The following SLC26A11 variants were observed in gnomAD, a reference collection of about 807,000 sequenced individuals.
The protein encoded by SLC26A11 is sodium-independent sulfate anion transporter.
SLC26A11 carries 58 observed loss-of-function variants against 62.2 expected under a neutral mutation model. The observed-to-expected ratio is 0.93, with a 90% CI of 0.76 to 1.16. The LOEUF (loss-of-function observed/expected upper bound fraction) is 1.16. Ranked by LOEUF, SLC26A11 falls within the 50% of genes most tolerant of loss-of-function variation. The pLI is 0.00. For missense variants in SLC26A11, 790 were observed against 794.3 expected (o/e 0.99, Z 0.06); for synonymous variants, 411 against 368.9 (o/e 1.11, Z -1.31).
chr17:80,233,607 G>T (rs1378438478), intron 7 of SLC26A11, among the ~76,000 whole-genome samples: 3 of 134,008 alleles, frequency 2.2e-5, no homozygotes, highest in East Asian at 2.2e-4. Context: ...TATTTGACAG[G>T]ATTCACTCTG....
intron 13 of SLC26A11, among the ~76,000 whole-genome samples, chr17:80,247,845 C>G (rs141472632): frequency 2.0e-5 from 3 of 152,336 alleles, no homozygotes; most frequent in African/African-American, 7.2e-5. Flanking sequence ...CAGGCCAGCT[C>G]TGTGCCCTGA....
At chr17:80,225,966 A>G in intron 6 of SLC26A11, 50 bp downstream of exon 6, 8 of 1,536,456 alleles carry the variant, frequency 5.2e-6, no homozygotes, top group Non-Finnish European at 7.2e-6. Context: ...CTTCTTCCAC[A>G]CCTCCTCTCC....
rs2042997471 is a variant in SLC26A11, at chr17:80,246,403, A to G, written c.1154-106A>G. The G allele has an allele frequency of 6.6e-7, 1 of 1,510,428 alleles. No individual in the cohort carries two copies. 93.6% of individuals were successfully genotyped at this position (1,510,428 alleles called of 1,614,324 possible). A position where few individuals can be genotyped will look rare whatever the true frequency, so the allele number is the denominator to read the frequency against. The stretch of plus-strand genomic sequence containing the variant: ...TGGGGGCCTTGGCAGTCGTCGCCCT[A>G]CCCCCACCCCTGTCCCCAGTGGGCT... On this transcript the variant is annotated intron_variant, in intron 12 of 17. Transcript: ENST00000361193. This position sits in a 1 kb window ranked among gnomAD's most constrained non-coding sequence, Gnocchi z 4.4.
intron 7 of SLC26A11, among the ~76,000 whole-genome samples, chr17:80,231,997 G>C (rs573627312): frequency 6.6e-6 from 1 of 152,236 alleles, no homozygotes; most frequent in African/African-American, 2.4e-5. Context: ...CTTTCTACTT[G>C]TTCTGTTGAT....
chr17:80,223,651 T>C lies in SLC26A11; in HGVS notation c.513+314T>C, dbSNP rs1012062693. The stretch of plus-strand genomic sequence containing the variant: ...TGGCTGGCTCTGTGACGTGGCTCTG[T>C]TCTCCCTGCACTGGGCACACCCAGC... On this transcript the variant is annotated intron_variant, in intron 5 of 17. Coordinates refer to ENST00000361193, the MANE Select transcript of SLC26A11 (RefSeq NM_001166347.2). The surrounding 1 kb of genome is among the most constrained non-coding windows in gnomAD (Gnocchi z 4.6). Among the ~76,000 whole-genome samples the C allele has an allele frequency of 6.6e-6, 1 of 152,164 alleles. No homozygotes were observed. Among genetic ancestry groups the C allele is most frequent in the Non-Finnish European group, 1.5e-5 (1 of 68,024 alleles).
At chr17:80,239,986 G>A (rs556280856) in intron 9 of SLC26A11, among the ~76,000 whole-genome samples, 14 of 152,366 alleles carry the variant, frequency 9.2e-5, no homozygotes, top group Admixed American at 3.9e-4. Flanking sequence ...GCAGAGTTGC[G>A]TAGCTGCAGC....
intron 6 of SLC26A11, among the ~76,000 whole-genome samples, chr17:80,226,342 A>C (rs985825368): frequency 6.6e-6 from 1 of 152,144 alleles, no homozygotes; most frequent in African/African-American, 2.4e-5. Flanking sequence ...CAGGTGGTGC[A>C]GGGACGGCAG....
intron 13 of SLC26A11, 51 bp from the exon 14 acceptor site, chr17:80,248,079 T>C: frequency 6.5e-7 from 1 of 1,546,638 alleles, no homozygotes; most frequent in Non-Finnish European, 8.7e-7. Flanking sequence ...CAGGGCCATG[T>C]TGGGGCCTCG....
chr17:80,221,432 CT>C (rs2042184767), intron 2 of SLC26A11, 115 bp from the exon 3 acceptor site: 1 of 717,348 alleles, frequency 1.4e-6, no homozygotes, highest in Admixed American at 3.0e-5. Flanking sequence ...GTTCGCCCCC[CT>C]GGGGAGGGGA....
chr17:80,242,240 G>A (rs890965137), intron 10 of SLC26A11, among the ~76,000 whole-genome samples: 4 of 152,224 alleles, frequency 2.6e-5, no homozygotes, highest in African/African-American at 9.6e-5. Context: ...GCCTCCCAAA[G>A]TGCTGAGGTT....
At chr17:80,229,574 C>T (rs759931185) in intron 7 of SLC26A11, among the ~76,000 whole-genome samples, 7 of 151,974 alleles carry the variant, frequency 4.6e-5, no homozygotes, top group East Asian at 1.9e-4. Context: ...GGATTACAGG[C>T]GTGCACCACC....
Position 80,225,921 on chromosome 17 carries a change from C to G in SLC26A11, c.593+5C>G, listed in dbSNP as rs1392677799. ...CCTCAGGATTGCAGAGACCAGGTACCCCGGGCTTTGTTCCTCCCTCCTATA... is the reference window on the plus strand; with the variant it reads ...CCTCAGGATTGCAGAGACCAGGTACGCCGGGCTTTGTTCCTCCCTCCTATA... On this transcript the variant is annotated splice_donor_5th_base_variant and intron_variant, in intron 6 of 17. Transcript: ENST00000361193. 36 of 1,613,628 alleles carry G rather than the reference C, an allele frequency of 2.2e-5. No homozygotes were observed. The highest frequency in any genetic ancestry group is 3.1e-5 in the Non-Finnish European group (36 of 1,179,668).
chr17:80,225,021 A>C (rs544049654), intron 5 of SLC26A11, among the ~76,000 whole-genome samples: 2 of 151,426 alleles, frequency 1.3e-5, no homozygotes, highest in Non-Finnish European at 2.9e-5. Flanking sequence ...TTCCCCTCTG[A>C]CTCCTGTTGG....
chr17:80,224,260 T>TGTGCGTGTGTGAGTGA (rs1389342377), intron 5 of SLC26A11, among the ~76,000 whole-genome samples: 1 of 147,078 alleles, frequency 6.8e-6, no homozygotes, highest in Non-Finnish European at 1.5e-5. Flanking sequence ...TGTGTGAGTG[T>TGTGCGTGTGTGAGTGA]GTGCGTGTGT....
At position 80,248,157 on chromosome 17, in the gene SLC26A11, C is replaced by T. The variant is rs773247330; in HGVS notation, c.1322C>T (p.Thr441Ile). The T allele has an allele frequency of 4.4e-6, 7 of 1,606,144 alleles. No individual in the cohort carries two copies. The South Asian group carries it at 6.6e-5, about 15-fold the overall frequency. The change falls in exon 14 of 18, where the codon ACC (threonine) becomes ATC (isoleucine). Residue 441 changes from threonine (T) to isoleucine (I), a missense_variant. By Grantham distance (89) the Thr-to-Ile change is moderately conservative. Coordinates refer to ENST00000361193, the MANE Select transcript of SLC26A11 (RefSeq NM_001166347.2). ...KRLDLLPLCV[T>I]FLLCFWEVQY... ...CTGGACCTGCTGCCCCTGTGCGTGA[C>T]CTTCCTGCTGTGCTTCTGGGAGGTG...
At chr17:80,233,891 C>T (rs6420487) in intron 7 of SLC26A11, among the ~76,000 whole-genome samples, 41,746 of 151,752 alleles carry the variant, frequency 0.28, 6,209 homozygotes, top group South Asian at 0.39. Context: ...TTTCAACTTT[C>T]GACTTTTGTA....
At chr17:80,224,233 G>A (rs938750234) in intron 5 of SLC26A11, among the ~76,000 whole-genome samples, 2 of 151,800 alleles carry the variant, frequency 1.3e-5, no homozygotes, top group Admixed American at 1.3e-4. Context: ...GTGAGAGTGT[G>A]AGTGGGTTTG....
intron 10 of SLC26A11, among the ~76,000 whole-genome samples, chr17:80,244,264 A>G (rs2042938168): frequency 1.3e-5 from 2 of 152,140 alleles, no homozygotes; most frequent in South Asian, 2.1e-4. Context: ...GGCCCCAGCA[A>G]TGCTGTGGGC....
At position 80,246,454 on chromosome 17, in the gene SLC26A11, G is replaced by A. The variant is rs2042999072; in HGVS notation, c.1154-55G>A. 1.9e-6 allele frequency: 3 copies of A among 1,599,004 alleles called. No homozygotes were observed. Among genetic ancestry groups the A allele is most frequent in the Non-Finnish European group, 8.5e-7 (1 of 1,177,868 alleles). The stretch of plus-strand genomic sequence containing the variant: ...CTGCTGAACAAGAGGCTGCTACGCT[G>A]CGTGCTGGGGGGACCCTGCACTCCC... On this transcript the variant is annotated intron_variant, in intron 12 of 17. Coordinates refer to ENST00000361193, the MANE Select transcript of SLC26A11 (RefSeq NM_001166347.2). This position sits in a 1 kb window ranked among gnomAD's most constrained non-coding sequence, Gnocchi z 4.4.
Sources: gnomAD v4.1 joint callset for allele counts (sites outside exome capture counted in the v4.1 genomes callset) on GRCh38, gnomAD v4.1.1 for gene constraint, Gnocchi (gnomAD v3.1) non-coding constraint, MANE v1.5 for transcripts, NCBI Gene and HGNC (gene_info 2026-07-23, HGNC 2026-07-21) for gene names.